The following ZNF222 variants were observed in gnomAD, a reference collection of about 807,000 sequenced individuals.
ZNF222 encodes zinc finger protein 222.
In ZNF222, 8 loss-of-function variants were observed where a neutral mutation model predicts 11.6. The ratio of observed to expected loss-of-function variants is 0.69; its 90% CI spans 0.41 to 1.25. ZNF222 has a LOEUF of 1.25. Ranked by LOEUF, ZNF222 falls within the 50% of genes most tolerant of loss-of-function variation. The pLI, the probability that ZNF222 is intolerant of heterozygous loss-of-function variation, is 0.01. For missense variants in ZNF222, 483 were observed against 576.1 expected, an observed-to-expected ratio of 0.84 and a Z score of 1.65; for synonymous variants, 171 against 195.6, an observed-to-expected ratio of 0.87 and a Z score of 1.05.
At chr19:44,028,173 C>T (rs1221712869) in intron 3 of ZNF222, 3 of 399,192 alleles carry the variant, frequency 7.5e-6, no homozygotes, top group Non-Finnish European at 1.3e-5. Flanking sequence ...CTTCCTCTGC[C>T]ACTCTTCTTA....
At position 44,032,308 on chromosome 19, in the gene ZNF222, T is replaced by C. The variant is rs1976521880; in HGVS notation, c.754T>C (p.Cys252Arg). Reference sequence around the variant, plus strand: ...TGAGCAGTGTGGGAAAGGCTTCAGATGTAGATCAGCACTTAAAGTTCATTG... The same window carrying C: ...TGAGCAGTGTGGGAAAGGCTTCAGACGTAGATCAGCACTTAAAGTTCATTG... ...KCEQCGKGFR[C>R]RSALKVHCKL... is the part of the protein sequence containing the mutation. Residue 252 changes from cysteine to arginine, a missense_variant, in exon 4 of 4, where the codon TGT becomes CGT. Physicochemically the swap from Cys to Arg is radical, Grantham distance 180. Coordinates refer to ENST00000391960, the MANE Select transcript of ZNF222 (RefSeq NM_001129996.2). The C allele has an allele frequency of 6.2e-7, 1 of 1,613,530 alleles. No individual in the cohort carries two copies. Among genetic ancestry groups the C allele is most frequent in the African/African-American group, 1.3e-5 (1 of 74,754 alleles).
chr19:44,027,273 G>T, intron 2 of ZNF222, 124 bp downstream of exon 2: 8 of 1,578,326 alleles, frequency 5.1e-6, no homozygotes, highest in Non-Finnish European at 6.9e-6. Context: ...CTGGCTATTA[G>T]GTTGGTGCAA....
rs1434478380 is a variant in ZNF222, at chr19:44,029,908, G to A, written c.263-1909G>A. 3.3e-5 allele frequency among the ~76,000 whole-genome samples: 5 copies of A among 152,302 alleles called. No individual in the cohort carries two copies. The South Asian group carries it at 1.0e-3, about 32-fold the overall frequency. ...TGTAACACGGACAAACATTTTTCAT[G>A]TGTGTAGATGTGTGTGAGTGGCTTT... is the stretch of plus-strand genomic sequence containing the variant. On this transcript the variant is annotated intron_variant, in intron 3 of 3. Transcript: ENST00000391960.
intron 3 of ZNF222, among the ~76,000 whole-genome samples, chr19:44,030,151 G>T (rs923898958): frequency 1.3e-5 from 2 of 152,160 alleles, no homozygotes; most frequent in Middle Eastern, 3.2e-3. Context: ...CTGATCAGGA[G>T]CATCCCCCTT....
rs1272004400 is a variant in ZNF222 at position 44,032,754 on chromosome 19, T to G, written c.1200T>G (p.His400Gln). 11 of 1,613,926 alleles carry G rather than the reference T, an allele frequency of 6.8e-6. No homozygotes were observed. Among genetic ancestry groups the G allele is most frequent in the Non-Finnish European group, 8.5e-6 (10 of 1,180,006 alleles). ...GTAAGTCAGGTCTTGACTTCCACCA[T>G]AGAACCCACACGGGAGAGAGATCTT... ...YISKSGLDFHHRTHTGERSYN... is the reference protein window; with the variant it reads ...YISKSGLDFHQRTHTGERSYN... Residue 400 changes from histidine (H) to glutamine (Q), a missense_variant, in exon 4 of 4, where the codon CAT becomes CAG. His to Gln is a conservative substitution (Grantham distance 24). Coordinates refer to ENST00000391960, the MANE Select transcript of ZNF222 (RefSeq NM_001129996.2).
intron 3 of ZNF222, chr19:44,028,307 C>A (rs903432566): frequency 5.5e-5 from 22 of 398,602 alleles, no homozygotes; most frequent in Non-Finnish European, 8.8e-5. Context: ...TAGCTTTAAT[C>A]TCCCTTGCTG....
At chr19:44,031,796 C>T (rs778469118) in intron 3 of ZNF222, 21 bp from the exon 4 acceptor site, 8 of 1,604,678 alleles carry the variant, frequency 5.0e-6, no homozygotes, top group Non-Finnish European at 6.0e-6. Flanking sequence ...GTCCACATGT[C>T]TTAATTCTGT....
Position 44,032,916 on chromosome 19 carries a change from C to T in ZNF222, c.1362C>T (p.Asp454=). The change falls in exon 4 of 4, where the codon GAC becomes GAT. Residue 454 remains aspartate (D), a synonymous_variant. Transcript: ENST00000391960. ...TTGTATGCCGGTCATACTGTAAAGA[C>T]CAACAAAGAGACCACAGTGGAGAAA... ...KRLVCRSYCK[D]QQRDHSGENP... is the part of the protein sequence containing the mutation. The T allele has an allele frequency of 6.2e-7, 1 of 1,612,954 alleles. No homozygotes were observed. Among genetic ancestry groups the T allele is most frequent in the Non-Finnish European group, 8.5e-7 (1 of 1,179,818 alleles).
At chr19:44,028,571 C>A in intron 3 of ZNF222, among the ~76,000 whole-genome samples, 1 of 152,170 alleles carries the variant, frequency 6.6e-6, no homozygotes, top group East Asian at 1.9e-4. Flanking sequence ...TCTTCTTGGC[C>A]TGCCTGTGTT....
intron 3 of ZNF222, 48 bp downstream of exon 3, chr19:44,027,538 C>A: frequency 6.4e-7 from 1 of 1,552,258 alleles, no homozygotes; most frequent in Non-Finnish European, 8.9e-7. Flanking sequence ...CCTGTTACTT[C>A]TGTCCATGCC....
chr19:44,025,540 G>A lies in ZNF222; in HGVS notation c.42+62G>A. The A allele has an allele frequency of 6.7e-7, 1 of 1,500,386 alleles. No individual in the cohort carries two copies. Among genetic ancestry groups the A allele is most frequent in the Non-Finnish European group, 8.9e-7 (1 of 1,120,836 alleles). 92.9% of individuals were successfully genotyped at this position (1,500,386 alleles called of 1,614,324 possible). On this transcript the variant is annotated intron_variant, in intron 1 of 3. Transcript: ENST00000391960. This position sits in a 1 kb window ranked among gnomAD's most constrained non-coding sequence, Gnocchi z 4.6. ...CAGCTGAGCCTTCTGGCGTCGGGGGGCTCTGCTAGGGTCTCAGGGAGTGGG... is the reference window on the plus strand; with the variant it reads ...CAGCTGAGCCTTCTGGCGTCGGGGGACTCTGCTAGGGTCTCAGGGAGTGGG...
At chr19:44,026,246 G>C (rs1007341207) in intron 1 of ZNF222, among the ~76,000 whole-genome samples, 3 of 150,628 alleles carry the variant, frequency 2.0e-5, no homozygotes, top group Non-Finnish European at 4.4e-5. Context: ...CTTCACAGTG[G>C]CACTGTGGAG....
chr19:44,031,968 C>T lies in ZNF222; in HGVS notation c.414C>T (p.Asp138=), dbSNP rs140356501. Residue 138 remains aspartate (D), a synonymous_variant, in exon 4 of 4, where the codon GAC becomes GAT. Transcript: ENST00000391960. Reference sequence around the variant, plus strand: ...ACTCTCAGTTATTTGAACAAGATGACAACCCCTCCCAGATTAAAGCAAGAC... The same window carrying T: ...ACTCTCAGTTATTTGAACAAGATGATAACCCCTCCCAGATTAAAGCAAGAC... The part of the protein sequence containing the change: ...ISNSQLFEQD[D]NPSQIKARLS... The T allele has an allele frequency of 1.5e-4, 245 of 1,614,212 alleles. 1 individual carries two copies. The African/African-American group carries it at 2.1e-3, about 14-fold the overall frequency.
At position 44,025,555 on chromosome 19, in the gene ZNF222, C is replaced by T; in HGVS notation, c.42+77C>T. On this transcript the variant is annotated intron_variant, in intron 1 of 3. Transcript: ENST00000391960. The surrounding 1 kb of genome is among the most constrained non-coding windows in gnomAD (Gnocchi z 4.6). ...GCGTCGGGGGGCTCTGCTAGGGTCT[C>T]AGGGAGTGGGATTGGCGCGGCCCGG... 6.9e-7 allele frequency: 1 copy of T among 1,453,204 alleles called. No homozygotes were observed. The highest frequency in any genetic ancestry group is 1.4e-5 in the South Asian group (1 of 71,542). The allele number at this position is 1,453,204 out of a possible 1,614,324, so 90.0% of individuals were successfully genotyped here. A position where few individuals can be genotyped will look rare whatever the true frequency, so the allele number is the denominator to read the frequency against.
At chr19:44,026,963 C>G in intron 1 of ZNF222, 60 bp from the exon 2 acceptor site, 1 of 1,607,676 alleles carries the variant, frequency 6.2e-7, no homozygotes, top group South Asian at 1.1e-5. Flanking sequence ...CAGTGCAATG[C>G]TGCTGTCTCC....
At chr19:44,026,074 G>A (rs1976353043) in intron 1 of ZNF222, 2 of 1,613,382 alleles carry the variant, frequency 1.2e-6, no homozygotes, top group Admixed American at 1.7e-5. Flanking sequence ...GGCTACTGAT[G>A]GCAAAGCTCT....
chr19:44,028,471 C>T (rs1475657807), intron 3 of ZNF222: 2 of 381,112 alleles, frequency 5.2e-6, no homozygotes, highest in Non-Finnish European at 9.3e-6. Context: ...ACTGACCCCT[C>T]TTTTAGTTTA....
At chr19:44,030,236 A>G (rs1298049000) in intron 3 of ZNF222, among the ~76,000 whole-genome samples, 1 of 152,214 alleles carries the variant, frequency 6.6e-6, no homozygotes, top group African/African-American at 2.4e-5. Flanking sequence ...TCTTTCAGAT[A>G]ACCAAGTTAC....
chr19:44,025,669 C>T lies in ZNF222; in HGVS notation c.42+191C>T, dbSNP rs1237229658. Among the ~76,000 whole-genome samples, 5 of 150,666 alleles carry T rather than the reference C, an allele frequency of 3.3e-5. No homozygotes were observed. Among genetic ancestry groups the T allele is most frequent in the African/African-American group, 1.2e-4 (5 of 40,740 alleles). ...TGTGGTGTGGAGTGTCACTTAATGT[C>T]CGTTTATCTTCCATTGCTGGTTCGT... On this transcript the variant is annotated intron_variant, in intron 1 of 3. Transcript: ENST00000391960. The surrounding 1 kb of genome is among the most constrained non-coding windows in gnomAD (Gnocchi z 4.6).
Sources: allele counts gnomAD v4.1 joint callset (sites outside exome capture counted in the v4.1 genomes callset), GRCh38; gene constraint gnomAD v4.1.1; non-coding constraint Gnocchi (gnomAD v3.1); transcripts MANE v1.5; gene names NCBI Gene and HGNC (gene_info 2026-07-23, HGNC 2026-07-21).